LUZP2: variants seen among roughly 807,000 people sequenced by gnomAD.
LUZP2 encodes leucine zipper protein 2.
A neutral mutation model predicts 51.6 loss-of-function variants in LUZP2; 52 were observed. That is an observed-to-expected ratio of 1.01 (90% confidence interval 0.81 to 1.27). The LOEUF is 1.27. Among genes scored for constraint, LUZP2 ranks in the 50% most tolerant of loss-of-function variants. The pLI is 0.00. For synonymous variants in LUZP2, 154 were observed against 137.3 expected (o/e 1.12, Z -0.85); for missense variants, 436 against 395.4 (o/e 1.10, Z -0.87).
intron 1 of LUZP2, among the ~76,000 whole-genome samples, chr11:24,728,479 T>TTTTTTTCC (rs1229826124): frequency 6.6e-6 from 1 of 151,988 alleles, no homozygotes; most frequent in African/African-American, 2.4e-5. Context: ...TTCTTAACAG[T>TTTTTTTCC]CACCTGTTTT....
chr11:25,066,422 A>C (rs975553263), intron 10 of LUZP2, among the ~76,000 whole-genome samples: 1 of 151,928 alleles, frequency 6.6e-6, no homozygotes, highest in African/African-American at 2.4e-5. Context: ...TTTTGTGATC[A>C]TTTGGGGGAT....
intron 1 of LUZP2, among the ~76,000 whole-genome samples, chr11:24,602,702 T>G (rs1298510856): frequency 6.6e-6 from 1 of 151,602 alleles, no homozygotes; most frequent in Non-Finnish European, 1.5e-5. Flanking sequence ...CTATTATTAT[T>G]ATATTATTAT....
intron 1 of LUZP2, among the ~76,000 whole-genome samples, chr11:24,558,149 G>A: frequency 6.6e-6 from 1 of 152,074 alleles, no homozygotes; most frequent in Middle Eastern, 3.2e-3. Context: ...CAAAATTCCA[G>A]GTTCACCAGC....
chr11:25,020,839 T>C (rs1445235343), intron 9 of LUZP2, among the ~76,000 whole-genome samples: 1 of 152,080 alleles, frequency 6.6e-6, no homozygotes, highest in Non-Finnish European at 1.5e-5. Context: ...TAGATAAACG[T>C]TGTAATAGGC....
intron 1 of LUZP2, among the ~76,000 whole-genome samples, chr11:24,674,215 T>G (rs1315023959): frequency 6.6e-6 from 1 of 152,210 alleles, no homozygotes; most frequent in Non-Finnish European, 1.5e-5. Flanking sequence ...CTACTTGACC[T>G]TTTCTCAGTT....
chr11:25,042,250 TATATTTCATTTA>T (rs1455502994), intron 9 of LUZP2, among the ~76,000 whole-genome samples: 1,955 of 45,644 alleles, frequency 0.043, 43 homozygotes, highest in African/African-American at 0.12. Context: ...AAAAGACTAA[TATATTTCATTTA>T]TTCTGGAATT....
chr11:24,889,744 T>A (rs1852788390), intron 5 of LUZP2, among the ~76,000 whole-genome samples: 1 of 152,200 alleles, frequency 6.6e-6, no homozygotes, highest in African/African-American at 2.4e-5. Context: ...ATGTTCTGAT[T>A]TTTAAACTCT....
At chr11:24,923,344 A>G (rs963280654) in intron 7 of LUZP2, among the ~76,000 whole-genome samples, 8 of 152,100 alleles carry the variant, frequency 5.3e-5, no homozygotes, top group African/African-American at 1.9e-4. Flanking sequence ...GAAAAAGTCA[A>G]ACTTGAAAAC....
chr11:25,013,039 G>A (rs189315029), intron 9 of LUZP2, among the ~76,000 whole-genome samples: 41 of 152,178 alleles, frequency 2.7e-4, no homozygotes, highest in African/African-American at 9.6e-4. Context: ...TACTCCACAG[G>A]TATAAACAAA....
chr11:24,527,516 T>A (rs1850843692), intron 1 of LUZP2, among the ~76,000 whole-genome samples: 1 of 150,966 alleles, frequency 6.6e-6, no homozygotes, highest in African/African-American at 2.4e-5. Flanking sequence ...CTAACAAAAG[T>A]GTGAGAATCT....
At position 24,541,830 on chromosome 11, in the gene LUZP2, T is replaced by C. The variant is rs541118677; in HGVS notation, c.62+44525T>C. Among the ~76,000 whole-genome samples the C allele has an allele frequency of 2.0e-5, 3 of 152,122 alleles. No homozygotes were observed. In the East Asian group the frequency reaches 5.8e-4, roughly 30 times the overall value. On this transcript the variant is annotated intron_variant, in intron 1 of 11. Transcript: ENST00000336930. The stretch of plus-strand genomic sequence containing the variant: ...CAGAAAGACAAAGCATGAAGATAAG[T>C]ACAGCCTAAAATTCCAAAAATTCTA...
At chr11:24,926,591 GTATATATATGTGTGTATATATGTA>G (rs1232320434) in intron 7 of LUZP2, among the ~76,000 whole-genome samples, 11 of 146,048 alleles carry the variant, frequency 7.5e-5, no homozygotes, top group East Asian at 2.0e-4. Context: ...ATATATGTGT[GTATATATATGTGTGTATATATGTA>G]TATATATATG....
At chr11:24,637,543 G>A (rs1423857926) in intron 1 of LUZP2, among the ~76,000 whole-genome samples, 23 of 151,844 alleles carry the variant, frequency 1.5e-4, no homozygotes, top group Admixed American at 1.5e-3. Context: ...GCGAGTAGGA[G>A]AGATATTGCT....
chr11:24,621,571 T>C (rs372013346), intron 1 of LUZP2, among the ~76,000 whole-genome samples: 1 of 152,214 alleles, frequency 6.6e-6, no homozygotes, highest in African/African-American at 2.4e-5. Context: ...TCCTAAATTC[T>C]CTCTGTCATT....
intron 1 of LUZP2, among the ~76,000 whole-genome samples, chr11:24,570,263 T>C (rs964511410): frequency 1.3e-5 from 2 of 152,000 alleles, no homozygotes; most frequent in Non-Finnish European, 2.9e-5. Context: ...TGATATTTCA[T>C]AGAATTTTCT....
rs552225290 is a variant in LUZP2 at position 24,913,475 on chromosome 11, A to G, written c.460-1001A>G. Among the ~76,000 whole-genome samples, 4 of 152,280 alleles carry G rather than the reference A, an allele frequency of 2.6e-5. No individual in the cohort carries two copies. In the East Asian group the frequency reaches 7.7e-4, roughly 29 times the overall value. ...TTTGGCTATTATGAATAAAGATGCC[A>G]TAAGCATTTTTGTATATGTTATAAT... On this transcript the variant is annotated intron_variant, in intron 6 of 11. Coordinates refer to ENST00000336930, the MANE Select transcript of LUZP2 (RefSeq NM_001009909.4).
chr11:24,625,144 G>A (rs1040862498), intron 1 of LUZP2, among the ~76,000 whole-genome samples: 1 of 146,958 alleles, frequency 6.8e-6, no homozygotes, highest in Non-Finnish European at 1.5e-5. Context: ...AATTAAACTT[G>A]TGAAAATAGA....
intron 7 of LUZP2, among the ~76,000 whole-genome samples, chr11:24,920,570 G>A (rs1053512656): frequency 1.3e-5 from 2 of 151,978 alleles, no homozygotes; most frequent in South Asian, 2.1e-4. Flanking sequence ...ATAAAGAAAT[G>A]TGGCATATGT....
At chr11:24,815,010 A>AAT (rs1850136610) in intron 5 of LUZP2, among the ~76,000 whole-genome samples, 1 of 150,306 alleles carries the variant, frequency 6.7e-6, no homozygotes. Context: ...AAAAAAATAA[A>AAT]AATAATCAAT....
Sources: gnomAD v4.1 joint callset for allele counts (sites outside exome capture counted in the v4.1 genomes callset) on GRCh38, gnomAD v4.1.1 for gene constraint, MANE v1.5 for transcripts, NCBI Gene and HGNC (gene_info 2026-07-23, HGNC 2026-07-21) for gene names.